CCDC34: variants seen among roughly 807,000 people sequenced by gnomAD.
CCDC34 encodes the protein coiled-coil domain containing 34.
A neutral mutation model predicts 44.1 loss-of-function variants in CCDC34; 40 were observed. The ratio of observed to expected loss-of-function variants is 0.91; its 90% confidence interval spans 0.70 to 1.18. The LOEUF is 1.18. CCDC34 is among the 50% of genes most tolerant of loss of function. CCDC34 has a pLI of 0.00. For missense variants in CCDC34, 466 were observed against 452.3 expected (o/e 1.03, Z -0.28); for synonymous variants, 159 against 158.2 (o/e 1.01, Z -0.04).
intron 5 of CCDC34, among the ~76,000 whole-genome samples, chr11:27,340,231 C>T (rs1230043736): frequency 6.6e-6 from 1 of 152,158 alleles, no homozygotes; most frequent in Non-Finnish European, 1.5e-5. Context: ...ATGCACTACC[C>T]TTTATAATCA....
chr11:27,343,942 T>C (rs1170225851), intron 3 of CCDC34, among the ~76,000 whole-genome samples: 1 of 152,214 alleles, frequency 6.6e-6, no homozygotes, highest in East Asian at 1.9e-4. Context: ...ATAAATTCAA[T>C]ATTTTAAATG....
rs375252730 is a variant in CCDC34, at chr11:27,363,041, A to G, written c.154T>C (p.Ser52Pro). ...GQGLEVVRSP[S>P]PPLPLSCSNS... ...CTGCAGCTCAGCGGCAGCGGCGGCG[A>G]CGGCGAGCGCACCACCTCCAGCCCC... The change falls in exon 1 of 6, where the codon TCG (serine) becomes CCG (proline). Residue 52 changes from serine to proline, a missense_variant. Physicochemically the swap from Ser to Pro is moderately conservative, Grantham distance 74 (BLOSUM62 -1). Coordinates refer to ENST00000328697, the MANE Select transcript of CCDC34 (RefSeq NM_030771.2). 1.9e-6 allele frequency: 3 copies of G among 1,613,952 alleles called. No homozygotes were observed. The East Asian group carries it at 6.7e-5, about 36-fold the overall frequency.
intron 1 of CCDC34, among the ~76,000 whole-genome samples, chr11:27,357,971 CAAAG>C (rs1180898420): frequency 6.6e-6 from 1 of 152,112 alleles, no homozygotes; most frequent in Non-Finnish European, 1.5e-5. Context: ...GTAGTGCACA[CAAAG>C]AGAATAATAG....
At chr11:27,344,881 A>C (rs1490298011) in intron 3 of CCDC34, among the ~76,000 whole-genome samples, 1 of 152,164 alleles carries the variant, frequency 6.6e-6, no homozygotes, top group African/African-American at 2.4e-5. Flanking sequence ...AGGGCAACTA[A>C]AACAAGTTTG....
chr11:27,362,957 C>A lies in CCDC34; in HGVS notation c.238G>T (p.Asp80Tyr). 2 of 1,614,234 alleles carry A rather than the reference C, an allele frequency of 1.2e-6. No homozygotes were observed. The highest frequency in any genetic ancestry group is 1.7e-6 in the Non-Finnish European group (2 of 1,180,038). Residue 80 changes from aspartate (D) to tyrosine (Y), a missense_variant, in exon 1 of 6, where the codon GAC becomes TAC. Asp to Tyr is a radical substitution (Grantham distance 160). Coordinates refer to ENST00000328697, the MANE Select transcript of CCDC34 (RefSeq NM_030771.2). ...LGHQSFQFDE[D>Y]DGDGEDEEDV... Reference sequence around the variant, plus strand: ...TCCTCATCCTCCCCGTCACCGTCGTCCTCGTCAAACTGGAAGCTCTGGTGG... The same window carrying A: ...TCCTCATCCTCCCCGTCACCGTCGTACTCGTCAAACTGGAAGCTCTGGTGG...
In CCDC34 at chr11:27,359,318, C is replaced by T. The variant is rs552932427; in HGVS notation, c.360-1777G>A. On this transcript the variant is annotated intron_variant, in intron 1 of 5. Transcript: ENST00000328697. ...ACTCTACATTTCACTCACTAGGAAC[C>T]CCTGCAGGTTGATGAATGTGCCACG... Among the ~76,000 whole-genome samples the T allele has an allele frequency of 2.0e-5, 3 of 152,140 alleles. No individual in the cohort carries two copies. In the East Asian group the frequency reaches 5.8e-4, roughly 29 times the overall value.
At chr11:27,358,932 T>C in intron 1 of CCDC34, among the ~76,000 whole-genome samples, 1 of 143,874 alleles carries the variant, frequency 7.0e-6, no homozygotes, top group African/African-American at 2.5e-5. Flanking sequence ...GCTCTTTGAC[T>C]CCACCTGCTC....
At chr11:27,362,781 G>T in intron 1 of CCDC34, 55 bp downstream of exon 1, 1 of 1,565,010 alleles carries the variant, frequency 6.4e-7, no homozygotes, top group South Asian at 1.2e-5. Context: ...GGGTACTTAA[G>T]AGGGTCTAAG....
At chr11:27,359,651 G>A (rs933846195) in intron 1 of CCDC34, among the ~76,000 whole-genome samples, 1 of 152,102 alleles carries the variant, frequency 6.6e-6, no homozygotes, top group African/African-American at 2.4e-5. Flanking sequence ...ACTACGCCCA[G>A]CTAAGCTATG....
At position 27,362,758 on chromosome 11, in the gene CCDC34, G is replaced by A. The variant is rs550387450; in HGVS notation, c.359+78C>T. ...TCTGCCTTTGGGGCGGAGGGCAGGAGGATGTTAGAAGGGGGTACTTAAGAG... is the reference window on the plus strand; with the variant it reads ...TCTGCCTTTGGGGCGGAGGGCAGGAAGATGTTAGAAGGGGGTACTTAAGAG... On this transcript the variant is annotated intron_variant, in intron 1 of 5. Transcript: ENST00000328697. 255 of 1,493,380 alleles carry A rather than the reference G, an allele frequency of 1.7e-4. 1 individual carries two copies. The African/African-American group carries it at 3.2e-3, about 19-fold the overall frequency. The allele number at this position is 1,493,380 out of a possible 1,614,324, so 92.5% of individuals were successfully genotyped here.
chr11:27,348,210 G>A (rs1460770092), intron 3 of CCDC34, among the ~76,000 whole-genome samples: 3 of 152,070 alleles, frequency 2.0e-5, no homozygotes, highest in Admixed American at 2.0e-4. Flanking sequence ...TTCTCCAATA[G>A]TGCCTCGCAC....
intron 3 of CCDC34, chr11:27,349,838 A>C (rs1862479845): frequency 1.0e-6 from 1 of 973,860 alleles, no homozygotes; most frequent in South Asian, 4.7e-5. Flanking sequence ...ATAAGAAGTA[A>C]ACAACAAGTT....
intron 3 of CCDC34, among the ~76,000 whole-genome samples, chr11:27,342,841 C>T (rs541198698): frequency 1.3e-5 from 2 of 152,248 alleles, no homozygotes; most frequent in South Asian, 4.1e-4. Context: ...AATCTACCAA[C>T]ACAGCTAAAT....
At chr11:27,353,667 A>C (rs1244153966) in intron 2 of CCDC34, among the ~76,000 whole-genome samples, 1 of 152,200 alleles carries the variant, frequency 6.6e-6, no homozygotes, top group Non-Finnish European at 1.5e-5. Flanking sequence ...TCTGAAACAA[A>C]CCAAATGTCT....
intron 3 of CCDC34, among the ~76,000 whole-genome samples, chr11:27,345,269 G>A (rs75266934): frequency 0.02 from 2,967 of 152,078 alleles, 96 homozygotes; most frequent in African/African-American, 0.067. Flanking sequence ...TCTTGTGGTG[G>A]GCAAACATTT....
intron 1 of CCDC34, 34 bp downstream of exon 1, chr11:27,362,802 A>T (rs781487445): frequency 6.3e-7 from 1 of 1,598,336 alleles, no homozygotes; most frequent in Non-Finnish European, 8.5e-7. Flanking sequence ...GAATCTTGAA[A>T]AGGGCTGAAT....
intron 1 of CCDC34, among the ~76,000 whole-genome samples, chr11:27,362,596 A>G (rs961233500): frequency 6.6e-6 from 1 of 152,146 alleles, no homozygotes; most frequent in African/African-American, 2.4e-5. Context: ...TTTTCTGGGA[A>G]GTGAGACTGC....
intron 3 of CCDC34, among the ~76,000 whole-genome samples, chr11:27,346,004 T>C (rs936338126): frequency 1.3e-5 from 2 of 152,046 alleles, no homozygotes; most frequent in African/African-American, 4.8e-5. Flanking sequence ...GGTATCTCAT[T>C]GTGGTTTTGA....
chr11:27,345,531 C>T (rs1351155761), intron 3 of CCDC34, among the ~76,000 whole-genome samples: 16 of 151,988 alleles, frequency 1.1e-4, no homozygotes, highest in African/African-American at 2.9e-4. Flanking sequence ...TGAGAACATG[C>T]GATGTTTGGT....
Sources: gnomAD v4.1 joint callset for allele counts (sites outside exome capture counted in the v4.1 genomes callset) on GRCh38, gnomAD v4.1.1 for gene constraint, MANE v1.5 for transcripts, NCBI Gene and HGNC (gene_info 2026-07-23, HGNC 2026-07-21) for gene names.